HSPA4L: variants seen among roughly 807,000 people sequenced by gnomAD.
The protein encoded by HSPA4L is heat shock protein family A (Hsp70) member 4 like, also known as heat shock 70 kDa protein 4L.
A neutral mutation model predicts 100.3 loss-of-function variants in HSPA4L; 48 were observed. The ratio of observed to expected loss-of-function variants is 0.48; its 90% CI spans 0.38 to 0.61. HSPA4L has a LOEUF of 0.61. Among genes scored for constraint, HSPA4L ranks in the 20% least tolerant of loss-of-function variants. The pLI, the probability that HSPA4L is intolerant of heterozygous loss-of-function variation, is 0.00. For missense variants in HSPA4L, 886 were observed against 988.6 expected (o/e 0.90, Z 1.39); for synonymous variants, 319 against 328.2 (o/e 0.97, Z 0.30).
intron 10 of HSPA4L, 129 bp downstream of exon 10, chr4:127,805,922 A>C: frequency 1.9e-6 from 1 of 518,882 alleles, no homozygotes; most frequent in Non-Finnish European, 3.4e-6. Context: ...TGTATTAAAG[A>C]GATATAAAAA....
intron 14 of HSPA4L, 24 bp downstream of exon 14, chr4:127,820,589 G>T: frequency 6.3e-7 from 1 of 1,578,866 alleles, no homozygotes; most frequent in Non-Finnish European, 8.6e-7. Context: ...AGTTGATGCT[G>T]AAATAGGTGG....
chr4:127,820,480 A>G lies in HSPA4L; in HGVS notation c.1727A>G (p.Lys576Arg). Residue 576 changes from lysine to arginine, a missense_variant, in exon 14 of 19, where the codon AAA becomes AGA. Lys to Arg is a conservative substitution (Grantham distance 26). Transcript: ENST00000296464. ...DRLNQTLKKGKVKSIDLPIQS... is the reference protein window; with the variant it reads ...DRLNQTLKKGRVKSIDLPIQS... ...TTAAATCAGACACTTAAAAAAGGAA[A>G]AGTCAAAAGTATTGATCTACCGATC... 1 of 1,602,706 alleles carries G rather than the reference A, an allele frequency of 6.2e-7. No individual in the cohort carries two copies. The highest frequency in any genetic ancestry group is 2.3e-5 in the East Asian group (1 of 43,970).
intron 12 of HSPA4L, chr4:127,812,718 C>G: frequency 1.0e-6 from 1 of 954,744 alleles, no homozygotes; most frequent in Non-Finnish European, 1.7e-6. Flanking sequence ...TTTTTAACAC[C>G]TATGCCATGA....
intron 2 of HSPA4L, among the ~76,000 whole-genome samples, chr4:127,794,532 G>A (rs1205241026): frequency 2.0e-5 from 3 of 151,956 alleles, no homozygotes; most frequent in African/African-American, 4.8e-5. Flanking sequence ...GTAACTCAAC[G>A]TGGCTACCAC....
chr4:127,796,035 G>T, intron 3 of HSPA4L, 127 bp downstream of exon 3: 2 of 741,242 alleles, frequency 2.7e-6, no homozygotes, highest in Non-Finnish European at 2.1e-6. Context: ...AGAGATAGTA[G>T]TTTTTGTAAT....
intron 1 of HSPA4L, among the ~76,000 whole-genome samples, chr4:127,788,898 T>G (rs556216561): frequency 6.6e-6 from 1 of 152,356 alleles, no homozygotes; most frequent in South Asian, 2.1e-4. Context: ...GTTCAGCCTT[T>G]GATTTAAACC....
intron 1 of HSPA4L, among the ~76,000 whole-genome samples, chr4:127,787,220 GA>G (rs774475449): frequency 6.6e-6 from 1 of 152,120 alleles, no homozygotes; most frequent in Non-Finnish European, 1.5e-5. Context: ...TTGGTGCACT[GA>G]AAACAACAGC....
At chr4:127,791,862 C>T (rs1423807614) in intron 1 of HSPA4L, among the ~76,000 whole-genome samples, 6 of 152,154 alleles carry the variant, frequency 3.9e-5, no homozygotes, top group Admixed American at 3.9e-4. Flanking sequence ...TGTTATAGCA[C>T]CTAGTTTACT....
intron 4 of HSPA4L, 71 bp from the exon 5 acceptor site, chr4:127,801,067 G>A (rs1415277196): frequency 4.5e-6 from 5 of 1,111,548 alleles, no homozygotes; most frequent in South Asian, 1.4e-5. Context: ...AAGTTTTAGG[G>A]TAATTATATT....
In HSPA4L at chr4:127,782,347, A is replaced by G. The variant is rs1038883184; in HGVS notation, c.-204A>G. The stretch of plus-strand genomic sequence containing the variant: ...AGTAGGGAAAGACCCAGGCTGCGGG[A>G]CGCGGTGCAGGCTGCGGCGCTGACG... On this transcript the variant is annotated 5_prime_UTR_variant, in exon 1 of 19. Transcript: ENST00000296464. 9 of 559,362 alleles carry G rather than the reference A, an allele frequency of 1.6e-5. No homozygotes were observed. The highest frequency in any genetic ancestry group is 4.6e-4 in the Middle Eastern group (1 of 2,190). The allele number at this position is 559,362 out of a possible 1,614,324, so 34.6% of individuals were successfully genotyped here.
In HSPA4L at chr4:127,832,969, T is replaced by G; in HGVS notation, c.*95T>G. On this transcript the variant is annotated 3_prime_UTR_variant, in exon 19 of 19. Transcript: ENST00000296464. The stretch of plus-strand genomic sequence containing the variant: ...ACACACAACAGACGCTCAGTTGTTC[T>G]TAACCACTTTTGTCATTTGTTTTTT... The G allele has an allele frequency of 1.2e-6, 1 of 858,022 alleles. No individual in the cohort carries two copies. The highest frequency in any genetic ancestry group is 1.7e-6 in the Non-Finnish European group (1 of 584,742). The allele number at this position is 858,022 out of a possible 1,614,324, so 53.2% of individuals were successfully genotyped here. A position where few individuals can be genotyped will look rare whatever the true frequency, so the allele number is the denominator to read the frequency against.
intron 13 of HSPA4L, among the ~76,000 whole-genome samples, chr4:127,820,199 G>A (rs1187069350): frequency 6.6e-6 from 1 of 151,970 alleles, no homozygotes; most frequent in Admixed American, 6.6e-5. Context: ...ACTGTAATGG[G>A]TGAGAAGTAG....
chr4:127,801,286 GT>G (rs756394785), intron 5 of HSPA4L, 49 bp downstream of exon 5: 1 of 1,289,618 alleles, frequency 7.8e-7, no homozygotes, highest in Admixed American at 2.2e-5. Flanking sequence ...TACTGTTCTA[GT>G]TTTTTTCTAA....
chr4:127,812,603 T>A, intron 12 of HSPA4L: 2 of 635,212 alleles, frequency 3.1e-6, no homozygotes, highest in Non-Finnish European at 5.5e-6. Flanking sequence ...GGCATTAGAT[T>A]TTTTGTCTAA....
Position 127,822,780 on chromosome 4 carries a change from C to A in HSPA4L, c.1824C>A (p.Ile608=). 1 of 1,613,300 alleles carries A rather than the reference C, an allele frequency of 6.2e-7. No homozygotes were observed. Among genetic ancestry groups the A allele is most frequent in the South Asian group, 1.1e-5 (1 of 90,998 alleles). Residue 608 remains isoleucine, a synonymous_variant, in exon 15 of 19, where the codon ATC becomes ATA. Transcript: ENST00000296464. The part of the protein sequence containing the change: ...NSYIENEGKM[I]MQDKLEKERN... ...AGCTTTTTGAATAGGGGAAGATGATCATGCAAGATAAGTTAGAGAAAGAAA... is the reference window on the plus strand; with the variant it reads ...AGCTTTTTGAATAGGGGAAGATGATAATGCAAGATAAGTTAGAGAAAGAAA...
intron 16 of HSPA4L, 28 bp downstream of exon 16, chr4:127,823,652 A>G: frequency 7.2e-7 from 1 of 1,398,400 alleles, no homozygotes; most frequent in Non-Finnish European, 1.0e-6. Context: ...CCATGTTAGT[A>G]TAAACCAGTA....
intron 8 of HSPA4L, 44 bp from the exon 9 acceptor site, chr4:127,805,029 A>G: frequency 7.3e-7 from 1 of 1,373,668 alleles, no homozygotes; most frequent in South Asian, 1.4e-5. Flanking sequence ...TTCTGTTGAG[A>G]TTTTTAAAGA....
At position 127,836,507 on chromosome 4, in the gene HSPA4L, T is replaced by A. The variant is rs1208899130; in HGVS notation, c.*3633T>A. The A allele has an allele frequency of 6.6e-6, 1 of 151,492 alleles. No homozygotes were observed. Among genetic ancestry groups the A allele is most frequent in the East Asian group, 1.9e-4 (1 of 5,156 alleles). 9.4% of individuals were successfully genotyped at this position (151,492 alleles called of 1,614,324 possible). A position where few individuals can be genotyped will look rare whatever the true frequency, so the allele number is the denominator to read the frequency against. On this transcript the variant is annotated 3_prime_UTR_variant, in exon 19 of 19. Transcript: ENST00000296464. The stretch of plus-strand genomic sequence containing the variant: ...TATTAAGAGCTAAAAGAAGTAAAGG[T>A]TTCTTAGACTTTTTTTGGGAGGGAG...
At chr4:127,826,910 CAT>C (rs1267176538) in intron 16 of HSPA4L, among the ~76,000 whole-genome samples, 1 of 151,958 alleles carries the variant, frequency 6.6e-6, no homozygotes, top group African/African-American at 2.4e-5. Flanking sequence ...TTATGTTGTA[CAT>C]AGAGGGTTAT....
Sources: gnomAD v4.1 joint callset for allele counts (sites outside exome capture counted in the v4.1 genomes callset) on GRCh38, gnomAD v4.1.1 for gene constraint, MANE v1.5 for transcripts, NCBI Gene and HGNC (gene_info 2026-07-23, HGNC 2026-07-21) for gene names.